The following PDE12 variants were observed in gnomAD, a reference collection of about 807,000 sequenced individuals.
PDE12 encodes 2',5'-phosphodiesterase 12.
Under a neutral mutation model 45.4 loss-of-function variants are expected in PDE12, and 26 were observed. The observed-to-expected ratio is 0.57, with a 90% confidence interval of 0.42 to 0.79. PDE12 has a LOEUF of 0.79. PDE12 is among the 30% of genes least tolerant of loss of function. PDE12 has a pLI of 0.00. For synonymous variants in PDE12, 283 were observed against 323.9 expected (o/e 0.87, Z 1.36); for missense variants, 668 against 790.0 (o/e 0.85, Z 1.85).
the PDE12 span, among the ~76,000 whole-genome samples, chr3:57,576,504 CTTTTTTTTTTTTTT>C: frequency 9.8e-6 from 1 of 101,616 alleles, no homozygotes; most frequent in Non-Finnish European, 2.0e-5. Flanking sequence ...CTCAACCAAG[CTTTTTTTTTTTTTT>C]TTTTTTTTGA....
chr3:57,579,703 T>C, the PDE12 span, among the ~76,000 whole-genome samples: 4 of 152,164 alleles, frequency 2.6e-5, no homozygotes, highest in African/African-American at 7.2e-5. Flanking sequence ...TTTTAGCAAA[T>C]TGTAAGTCCA....
the PDE12 span, among the ~76,000 whole-genome samples, chr3:57,595,856 C>T: frequency 6.6e-6 from 1 of 151,826 alleles, no homozygotes; most frequent in Non-Finnish European, 1.5e-5. Context: ...GAGGCTGAGG[C>T]AGGAGAATCT....
the PDE12 span, among the ~76,000 whole-genome samples, chr3:57,572,505 G>A: frequency 1.3e-5 from 2 of 152,218 alleles, no homozygotes; most frequent in East Asian, 1.9e-4. Flanking sequence ...AGGATCACTT[G>A]AGCTTAGTAG....
the PDE12 span, among the ~76,000 whole-genome samples, chr3:57,582,247 A>ATTTTTTTTTT: frequency 2.5e-4 from 36 of 144,496 alleles, no homozygotes; most frequent in African/African-American, 9.1e-4. Context: ...ACATTCTACT[A>ATTTTTTTTTT]TTTTTTTTTT....
At chr3:57,638,481 A>G in the PDE12 span, among the ~76,000 whole-genome samples, 2 of 151,122 alleles carry the variant, frequency 1.3e-5, no homozygotes, top group African/African-American at 2.4e-5. Context: ...AACATGGTGA[A>G]TCCCTGTCTC....
At chr3:57,585,579 A>G in the PDE12 span, among the ~76,000 whole-genome samples, 39 of 152,308 alleles carry the variant, frequency 2.6e-4, no homozygotes, top group African/African-American at 8.9e-4. Flanking sequence ...ACAAACCTGC[A>G]CATTGTGCAC....
the PDE12 span, among the ~76,000 whole-genome samples, chr3:57,639,194 A>G: frequency 6.6e-6 from 1 of 152,362 alleles, no homozygotes; most frequent in South Asian, 2.1e-4. Context: ...ATCATTAGTC[A>G]TTAGAGAAAA....
chr3:57,577,222 G>A, the PDE12 span: 10 of 1,011,842 alleles, frequency 9.9e-6, no homozygotes, highest in Non-Finnish European at 1.5e-5. Flanking sequence ...ATCCATTTGT[G>A]TAATCTAATC....
rs1372099391 is a variant in PDE12, at chr3:57,557,284, T to C, written c.905T>C (p.Ile302Thr). ...DALIRTVSYN[I>T]LADTYAQTEF... ...CTCATCCGCACTGTCTCTTACAACA[T>C]CCTGGCAGACACGTACGCGCAGACT... Residue 302 changes from isoleucine to threonine, a missense_variant, in exon 1 of 3, where the codon ATC becomes ACC. Ile to Thr is a moderately conservative substitution (Grantham distance 89). Around this residue, in one of 3 missense-constraint regions of PDE12, gnomAD observed 580 missense variants for 662.9 expected, o/e 0.87. Coordinates refer to ENST00000311180, the MANE Select transcript of PDE12 (RefSeq NM_177966.7). The C allele has an allele frequency of 6.2e-7, 1 of 1,613,758 alleles. No homozygotes were observed. The highest frequency in any genetic ancestry group is 1.3e-5 in the African/African-American group (1 of 74,858).
At chr3:57,630,433 A>T in the PDE12 span, 4 of 1,584,638 alleles carry the variant, frequency 2.5e-6, no homozygotes, top group Admixed American at 2.1e-5. Flanking sequence ...CTTCACAAAG[A>T]GCTTCTAGAT....
chr3:57,586,538 C>T, the PDE12 span, among the ~76,000 whole-genome samples: 1 of 152,172 alleles, frequency 6.6e-6, no homozygotes, highest in Non-Finnish European at 1.5e-5. Flanking sequence ...GCCTTTTATT[C>T]CTTTGTCCTG....
At chr3:57,635,129 C>G in the PDE12 span, among the ~76,000 whole-genome samples, 632 of 152,168 alleles carry the variant, frequency 4.2e-3, 6 homozygotes, top group African/African-American at 0.015. Context: ...AATAAAATAC[C>G]CTTTAAGTAT....
At chr3:57,631,049 TG>T in the PDE12 span, 1 of 1,458,954 alleles carries the variant, frequency 6.9e-7, no homozygotes, top group Non-Finnish European at 9.4e-7. Context: ...TTAAAAGGAA[TG>T]GGTCTTTTAA....
rs2069668021 is a variant in PDE12 at position 57,556,882 on chromosome 3, A to G, written c.503A>G (p.Gln168Arg). 6 of 1,614,160 alleles carry G rather than the reference A, an allele frequency of 3.7e-6. No homozygotes were observed. The highest frequency in any genetic ancestry group is 4.2e-6 in the Non-Finnish European group (5 of 1,180,032). Reference sequence around the variant, plus strand: ...AACCCGCCCGCCTTCACCGAACTGCAGTTGCCGCGCTACATCATGGCCGGG... The same window carrying G: ...AACCCGCCCGCCTTCACCGAACTGCGGTTGCCGCGCTACATCATGGCCGGG... ...ERNPPAFTELQLPRYIMAGFP... is the reference protein window; with the variant it reads ...ERNPPAFTELRLPRYIMAGFP... The change falls in exon 1 of 3, where the codon CAG becomes CGG. Residue 168 changes from glutamine (Q) to arginine (R), a missense_variant. Transcript: ENST00000311180. This position sits in a 1 kb window ranked among gnomAD's most constrained non-coding sequence, Gnocchi z 5.0.
chr3:57,581,184 G>A, the PDE12 span, among the ~76,000 whole-genome samples: 1 of 152,178 alleles, frequency 6.6e-6, no homozygotes. Context: ...TAGAAACATG[G>A]TTAAAGCTAT....
chr3:57,644,202 C>T, the PDE12 span, among the ~76,000 whole-genome samples: 2 of 150,552 alleles, frequency 1.3e-5, no homozygotes, highest in African/African-American at 4.9e-5. Flanking sequence ...GAACACAATA[C>T]CTAGCGAACA....
chr3:57,614,995 A>T, the PDE12 span, among the ~76,000 whole-genome samples: 1 of 151,252 alleles, frequency 6.6e-6, no homozygotes, highest in Non-Finnish European at 1.5e-5. Context: ...TGTGTCTCAA[A>T]AAAAAAAAAA....
At chr3:57,644,083 GAGGTTGCAGTAAACCA>G in the PDE12 span, among the ~76,000 whole-genome samples, 1 of 150,662 alleles carries the variant, frequency 6.6e-6, no homozygotes, top group Non-Finnish European at 1.5e-5. Flanking sequence ...CCGGGAGGCG[GAGGTTGCAGTAAACCA>G]AGATGGCGCC....
the PDE12 span, chr3:57,600,645 C>T: frequency 2.0e-5 from 3 of 152,256 alleles, no homozygotes; most frequent in South Asian, 4.1e-4. Context: ...TGAGCTCAGG[C>T]GATCTACTCG....
Sources: gnomAD v4.1 joint callset for allele counts (sites outside exome capture counted in the v4.1 genomes callset) on GRCh38, gnomAD v4.1.1 for gene constraint, gnomAD v4.1.1 regional missense constraint, Gnocchi (gnomAD v3.1) non-coding constraint, MANE v1.5 for transcripts, NCBI Gene and HGNC (gene_info 2026-07-23, HGNC 2026-07-21) for gene names.